ABLIM2: variants seen among roughly 807,000 people sequenced by gnomAD.
ABLIM2 encodes the protein actin binding LIM protein family member 2, also known as actin-binding LIM protein 2.
Under a neutral mutation model 97.7 loss-of-function variants are expected in ABLIM2, and 53 were observed. The observed-to-expected ratio is 0.54, with a 90% confidence interval of 0.44 to 0.68. The LOEUF (loss-of-function observed/expected upper bound fraction) is 0.68. Ranked by LOEUF, ABLIM2 falls within the 30% of genes least tolerant of loss-of-function variation. ABLIM2 has a pLI of 0.00. For missense variants in ABLIM2, 835 were observed against 867.2 expected, an observed-to-expected ratio of 0.96 and a Z score of 0.47; for synonymous variants, 361 against 345.8, an observed-to-expected ratio of 1.04 and a Z score of -0.49.
intron 20 of ABLIM2, among the ~76,000 whole-genome samples, chr4:7,982,707 T>TATG (rs914521024): frequency 6.6e-6 from 1 of 151,780 alleles, no homozygotes; most frequent in Non-Finnish European, 1.5e-5. Flanking sequence ...AGCTCATTAT[T>TATG]ATTATTATTA....
At chr4:8,088,355 GC>G in intron 3 of ABLIM2, 71 bp from the exon 4 acceptor site, 2 of 1,263,458 alleles carry the variant, frequency 1.6e-6, no homozygotes, top group Non-Finnish European at 2.3e-6. Context: ...CTGTCCCAGT[GC>G]AGGAGACCAG....
chr4:8,069,174 G>A lies in ABLIM2; in HGVS notation c.676-8120C>T, dbSNP rs981488738. Among the ~76,000 whole-genome samples the A allele has an allele frequency of 2.6e-5, 4 of 152,248 alleles. No individual in the cohort carries two copies. Among genetic ancestry groups the A allele is most frequent in the Admixed American group, 2.6e-4 (4 of 15,290 alleles). ...CCGTTAAGGCGTGAGCCTCAGGAGC[G>A]CTTGGCCCAGCGGCCTCATTCTCTG... On this transcript the variant is annotated intron_variant, in intron 6 of 20. Coordinates refer to ENST00000447017, the MANE Select transcript of ABLIM2 (RefSeq NM_001130083.2). The surrounding 1 kb of genome is among the most constrained non-coding windows in gnomAD (Gnocchi z 4.2).
chr4:8,044,868 T>A lies in ABLIM2; in HGVS notation c.900+296A>T, dbSNP rs1791279825. Among the ~76,000 whole-genome samples, 1 of 152,182 alleles carries A rather than the reference T, an allele frequency of 6.6e-6. No homozygotes were observed. Among genetic ancestry groups the A allele is most frequent in the South Asian group, 2.1e-4 (1 of 4,826 alleles). ...AACTGTCGGCTGTTGATGTGACGTG[T>A]CTGCACCACTATAAACAACAGCTGT... On this transcript the variant is annotated intron_variant, in intron 9 of 20. Transcript: ENST00000447017. The surrounding 1 kb of genome is among the most constrained non-coding windows in gnomAD (Gnocchi z 4.4).
chr4:8,091,872 A>ATATATTATATATAC (rs1828946100), intron 3 of ABLIM2, among the ~76,000 whole-genome samples: 3 of 113,958 alleles, frequency 2.6e-5, no homozygotes, highest in African/African-American at 3.4e-5. Flanking sequence ...TATATATACA[A>ATATATTATATATAC]TATATATTAT....
rs1422255804 is a variant in ABLIM2 at position 8,005,322 on chromosome 4, A to G, written c.1618+2737T>C. ...CTGGCACAGAGTGGGTGCTCAATAA[A>G]TACCCGTTGAATGTAACGCATTTCA... On this transcript the variant is annotated intron_variant, in intron 16 of 20. Transcript: ENST00000447017. The surrounding 1 kb of genome is among the most constrained non-coding windows in gnomAD (Gnocchi z 4.9). 1.9e-6 allele frequency: 1 copy of G among 532,758 alleles called. No individual in the cohort carries two copies. Among genetic ancestry groups the G allele is most frequent in the African/African-American group, 1.9e-5 (1 of 51,896 alleles). 33.0% of individuals were successfully genotyped at this position (532,758 alleles called of 1,614,324 possible).
At chr4:8,037,141 T>C (rs1274116267) in intron 9 of ABLIM2, among the ~76,000 whole-genome samples, 1 of 152,206 alleles carries the variant, frequency 6.6e-6, no homozygotes, top group Non-Finnish European at 1.5e-5. Flanking sequence ...TATTATTTTA[T>C]TTGTATTATT....
chr4:8,108,575 A>G (rs1195319009), intron 1 of ABLIM2, among the ~76,000 whole-genome samples: 1 of 152,254 alleles, frequency 6.6e-6, no homozygotes, highest in African/African-American at 2.4e-5. Context: ...CTTGACTCAC[A>G]ACTGATAGCC....
At chr4:7,968,486 T>C (rs1046838655) in intron 20 of ABLIM2, among the ~76,000 whole-genome samples, 28 of 152,362 alleles carry the variant, frequency 1.8e-4, no homozygotes, top group African/African-American at 6.5e-4. Context: ...TGTGACGGAA[T>C]AGCCTTCAGC....
intron 4 of ABLIM2, among the ~76,000 whole-genome samples, chr4:8,084,168 C>A (rs1032559436): frequency 6.6e-6 from 1 of 152,238 alleles, no homozygotes; most frequent in South Asian, 2.1e-4. Flanking sequence ...CATTTAGGAA[C>A]CTGTACTGAG....
chr4:7,987,729 G>C (rs1362327566), intron 17 of ABLIM2, among the ~76,000 whole-genome samples: 1 of 152,194 alleles, frequency 6.6e-6, no homozygotes, highest in Admixed American at 6.5e-5. Flanking sequence ...CGGAGATGAG[G>C]CATCTACCAG....
At position 8,095,679 on chromosome 4, in the gene ABLIM2, A is replaced by G. The variant is rs1301482402; in HGVS notation, c.338+1420T>C. 1.3e-5 allele frequency among the ~76,000 whole-genome samples: 2 copies of G among 152,166 alleles called. No individual in the cohort carries two copies. The highest frequency in any genetic ancestry group is 4.8e-5 in the African/African-American group (2 of 41,440). ...ATTACGGGTGTGAGCCTCCGCGCCC[A>G]GCCAGCATGATCTTCCTGAGGCTCG... On this transcript the variant is annotated intron_variant, in intron 3 of 20. Transcript: ENST00000447017. This position sits in a 1 kb window ranked among gnomAD's most constrained non-coding sequence, Gnocchi z 4.7.
At chr4:8,114,872 T>G (rs1842144132) in intron 1 of ABLIM2, among the ~76,000 whole-genome samples, 2 of 152,334 alleles carry the variant, frequency 1.3e-5, no homozygotes, top group South Asian at 4.1e-4. Context: ...GCCAGTGCTG[T>G]GGGACCCCAG....
At chr4:8,052,610 G>A (rs1796751398) in intron 8 of ABLIM2, among the ~76,000 whole-genome samples, 2 of 152,242 alleles carry the variant, frequency 1.3e-5, no homozygotes, top group Admixed American at 6.5e-5. Context: ...CAGGGACACA[G>A]GTGGGAAGCC....
rs1474025136 is a variant in ABLIM2, at chr4:8,124,985, A to G, written c.11-18348T>C. ...TCCCTGTGGGCGAATGATGCTGGGC[A>G]TGGTTCATGTGTAGATTCTCCCTCT... On this transcript the variant is annotated intron_variant, in intron 1 of 20. Transcript: ENST00000447017. The surrounding 1 kb of genome is among the most constrained non-coding windows in gnomAD (Gnocchi z 6.1). Among the ~76,000 whole-genome samples the G allele has an allele frequency of 6.6e-6, 1 of 152,200 alleles. No individual in the cohort carries two copies. Among genetic ancestry groups the G allele is most frequent in the East Asian group, 1.9e-4 (1 of 5,194 alleles).
At chr4:7,969,313 G>C (rs1446178300) in intron 20 of ABLIM2, among the ~76,000 whole-genome samples, 3 of 151,920 alleles carry the variant, frequency 2.0e-5, no homozygotes, top group Non-Finnish European at 4.4e-5. Flanking sequence ...AATTAGCTGG[G>C]TGCGCTGGCG....
chr4:8,009,325 G>C (rs1285514067), intron 14 of ABLIM2, among the ~76,000 whole-genome samples: 1 of 152,208 alleles, frequency 6.6e-6, no homozygotes, highest in Non-Finnish European at 1.5e-5. Flanking sequence ...AGTGAGGCCT[G>C]ATTTCAGTTC....
intron 12 of ABLIM2, 35 bp downstream of exon 12, chr4:8,027,724 T>G: frequency 1.3e-6 from 2 of 1,488,014 alleles, no homozygotes; most frequent in Non-Finnish European, 1.8e-6. Flanking sequence ...TGGACACCCA[T>G]GAGCACCCAC....
In ABLIM2 at chr4:8,097,256, C is replaced by T. The variant is rs556771279; in HGVS notation, c.181G>A (p.Gly61Ser). The part of the protein sequence containing the change: ...KACGCDLAEG[G>S]FFVRQGEYIC... ...TACTCGCCCTGCCGCACGAAGAAGC[C>T]GCCCTCGGCCAGGTCGCAGCCACAT... Residue 61 changes from glycine (G) to serine (S), a missense_variant, in exon 3 of 21, where the codon GGC becomes AGC. Transcript: ENST00000447017. The T allele has an allele frequency of 2.3e-5, 36 of 1,568,160 alleles. No individual in the cohort carries two copies. Among genetic ancestry groups the T allele is most frequent in the African/African-American group, 1.2e-4 (9 of 73,742 alleles).
chr4:8,152,087 C>A (rs891791600), intron 1 of ABLIM2, among the ~76,000 whole-genome samples: 41 of 152,042 alleles, frequency 2.7e-4, no homozygotes, highest in Admixed American at 2.2e-3. Flanking sequence ...ACGGCCCAGG[C>A]GAGAAGATGG....
Sources: gnomAD v4.1 joint callset for allele counts (sites outside exome capture counted in the v4.1 genomes callset) on GRCh38, gnomAD v4.1.1 for gene constraint, Gnocchi (gnomAD v3.1) non-coding constraint, MANE v1.5 for transcripts, NCBI Gene and HGNC (gene_info 2026-07-23, HGNC 2026-07-21) for gene names.